Variants in ACBD3 observed in about 807,000 individuals in gnomAD.
ACBD3 encodes acyl-CoA binding domain containing 3.
ACBD3 carries 30 observed loss-of-function variants against 66.9 expected under a neutral mutation model. The ratio of observed to expected loss-of-function variants is 0.45; its 90% CI spans 0.34 to 0.61. ACBD3 has a LOEUF of 0.61. ACBD3 is among the 20% of genes least tolerant of loss of function. The pLI is 0.02. For synonymous variants in ACBD3, 278 were observed against 259.8 expected, an observed-to-expected ratio of 1.07 and a Z score of -0.68; for missense variants, 544 against 664.5, an observed-to-expected ratio of 0.82 and a Z score of 1.99.
intron 3 of ACBD3, among the ~76,000 whole-genome samples, chr1:226,163,776 G>A (rs1558127027): frequency 6.6e-6 from 1 of 151,924 alleles, no homozygotes; most frequent in Non-Finnish European, 1.5e-5. Context: ...CTTCTAATCT[G>A]TTATTTCTAA....
At position 226,164,435 on chromosome 1, in the gene ACBD3, C is replaced by G. The variant is rs544196622; in HGVS notation, c.569+354G>C. On this transcript the variant is annotated intron_variant, in intron 3 of 7. Transcript: ENST00000366812. ...ATGGAGCATGAGGATTCTAGAAGCT[C>G]GAGGGAGACTGCAACAAAGGGTATG... Among the ~76,000 whole-genome samples the G allele has an allele frequency of 2.6e-5, 4 of 152,126 alleles. No homozygotes were observed. In the South Asian group the frequency reaches 6.2e-4, roughly 24 times the overall value.
chr1:226,162,693 G>A (rs930269709), intron 3 of ACBD3, among the ~76,000 whole-genome samples: 3 of 151,898 alleles, frequency 2.0e-5, no homozygotes, highest in East Asian at 3.9e-4. Flanking sequence ...AACCTACCAC[G>A]AGAATTGTCT....
intron 7 of ACBD3, among the ~76,000 whole-genome samples, chr1:226,149,563 T>C (rs1410244502): frequency 4.1e-5 from 4 of 96,508 alleles, no homozygotes; most frequent in Admixed American, 1.1e-4. Context: ...TTTTTTGAGA[T>C]GGGGTCTGGC....
chr1:226,158,873 A>C (rs1659721142), intron 5 of ACBD3, among the ~76,000 whole-genome samples: 1 of 152,228 alleles, frequency 6.6e-6, no homozygotes, highest in African/African-American at 2.4e-5. Flanking sequence ...AACTATGGCT[A>C]GTTACTCAGG....
At chr1:226,147,643 G>GA (rs1422908683) in intron 7 of ACBD3, among the ~76,000 whole-genome samples, 2 of 152,144 alleles carry the variant, frequency 1.3e-5, no homozygotes, top group Non-Finnish European at 2.9e-5. Context: ...TCATAGTAGA[G>GA]AGATAGGCAT....
chr1:226,169,396 C>T (rs1331551451), intron 1 of ACBD3, among the ~76,000 whole-genome samples: 5 of 151,860 alleles, frequency 3.3e-5, no homozygotes, highest in African/African-American at 4.8e-5. Flanking sequence ...TACAAGCGCC[C>T]GCCACCATGC....
At chr1:226,163,287 TGAG>T (rs1289822872) in intron 3 of ACBD3, among the ~76,000 whole-genome samples, 1 of 152,194 alleles carries the variant, frequency 6.6e-6, no homozygotes, top group East Asian at 1.9e-4. Flanking sequence ...CTCTATATGT[TGAG>T]TAGTAACTTT....
chr1:226,171,686 C>T (rs990614097), intron 1 of ACBD3, among the ~76,000 whole-genome samples: 5 of 150,424 alleles, frequency 3.3e-5, no homozygotes, highest in South Asian at 2.1e-4. Flanking sequence ...TACAGGTGTG[C>T]GCCACCGTGC....
chr1:226,163,290 G>A (rs1490262165), intron 3 of ACBD3, among the ~76,000 whole-genome samples: 1 of 152,100 alleles, frequency 6.6e-6, no homozygotes, highest in Middle Eastern at 3.2e-3. Flanking sequence ...TATATGTTGA[G>A]TAGTAACTTT....
chr1:226,151,214 C>T (rs1051390623), intron 7 of ACBD3, among the ~76,000 whole-genome samples: 1 of 152,144 alleles, frequency 6.6e-6, no homozygotes, highest in Non-Finnish European at 1.5e-5. Context: ...ACATTGCCAA[C>T]CCTCTTCAAG....
At chr1:226,155,005 C>T (rs1576231015) in intron 5 of ACBD3, 172 bp from the exon 6 acceptor site, 1 of 412,854 alleles carries the variant, frequency 2.4e-6, no homozygotes, top group Non-Finnish European at 4.2e-6. Context: ...ATTATTAGTA[C>T]AATATCAAAC....
At chr1:226,168,812 C>CGCT (rs1553268441) in intron 1 of ACBD3, among the ~76,000 whole-genome samples, 1 of 88,370 alleles carries the variant, frequency 1.1e-5, no homozygotes, top group Non-Finnish European at 2.3e-5. Context: ...AGTTTTCTTA[C>CGCT]ACTACGTCAC....
At chr1:226,159,446 T>A (rs1198406614) in intron 4 of ACBD3, 88 bp from the exon 5 acceptor site, 3 of 1,272,858 alleles carry the variant, frequency 2.4e-6, no homozygotes, top group Non-Finnish European at 2.2e-6. Context: ...ACTTTTACAG[T>A]CTGTAACTCT....
chr1:226,159,446 T>C (rs1198406614), intron 4 of ACBD3, 88 bp from the exon 5 acceptor site: 4 of 1,272,744 alleles, frequency 3.1e-6, no homozygotes, highest in Non-Finnish European at 4.3e-6. Flanking sequence ...ACTTTTACAG[T>C]CTGTAACTCT....
intron 7 of ACBD3, among the ~76,000 whole-genome samples, chr1:226,147,616 G>A (rs886094027): frequency 1.3e-5 from 2 of 152,236 alleles, no homozygotes; most frequent in Admixed American, 6.5e-5. Flanking sequence ...TTAAATATAA[G>A]CAGTAAAATG....
intron 1 of ACBD3, among the ~76,000 whole-genome samples, chr1:226,172,708 G>T (rs1049576163): frequency 6.6e-6 from 1 of 152,134 alleles, no homozygotes; most frequent in Non-Finnish European, 1.5e-5. Context: ...ACTTTGGGAG[G>T]CTGAAGGGGG....
At chr1:226,160,689 C>T (rs534857472) in intron 4 of ACBD3, among the ~76,000 whole-genome samples, 14 of 152,302 alleles carry the variant, frequency 9.2e-5, no homozygotes, top group Admixed American at 3.9e-4. Flanking sequence ...CCATGCCACC[C>T]CTACAAACTC....
At position 226,146,454 on chromosome 1, in the gene ACBD3, A is replaced by T; in HGVS notation, c.*156T>A. The T allele has an allele frequency of 1.5e-6, 1 of 662,842 alleles. No homozygotes were observed. Among genetic ancestry groups the T allele is most frequent in the Non-Finnish European group, 2.5e-6 (1 of 394,872 alleles). 41.1% of individuals were successfully genotyped at this position (662,842 alleles called of 1,614,324 possible). On this transcript the variant is annotated 3_prime_UTR_variant, in exon 8 of 8. Coordinates refer to ENST00000366812, the MANE Select transcript of ACBD3 (RefSeq NM_022735.4). ...CAAAGTATGAATGCTAAAGAGTCTC[A>T]AGGAAATTTTGATTCCCAGCAAGAG...
chr1:226,160,340 C>T (rs1018454120), intron 4 of ACBD3, among the ~76,000 whole-genome samples: 5 of 151,812 alleles, frequency 3.3e-5, no homozygotes, highest in Admixed American at 1.3e-4. Context: ...GTGATCCGCC[C>T]GCCTCGGCCT....
Sources: gnomAD v4.1 joint callset for allele counts (sites outside exome capture counted in the v4.1 genomes callset) on GRCh38, gnomAD v4.1.1 for gene constraint, MANE v1.5 for transcripts, NCBI Gene and HGNC (gene_info 2026-07-23, HGNC 2026-07-21) for gene names.